Variants in STAU1 observed in about 807,000 individuals in gnomAD.
The protein encoded by STAU1 is staufen double-stranded RNA binding protein 1.
In STAU1, 13 loss-of-function variants were observed where a neutral mutation model predicts 62.9. The ratio of observed to expected loss-of-function variants is 0.21; its 90% CI spans 0.13 to 0.33. The LOEUF (loss-of-function observed/expected upper bound fraction) is 0.33. Ranked by LOEUF, STAU1 falls within the 10% of genes least tolerant of loss-of-function variation. The pLI, the probability that STAU1 is intolerant of heterozygous loss-of-function variation, is 1.00. For missense variants in STAU1, 571 were observed against 712.1 expected (o/e 0.80, Z 2.25); for synonymous variants, 269 against 265.1 (o/e 1.01, Z -0.14).
At chr20:49,187,714 G>C (rs1057377756) in intron 1 of STAU1, among the ~76,000 whole-genome samples, 2 of 151,294 alleles carry the variant, frequency 1.3e-5, no homozygotes, top group South Asian at 4.2e-4. Flanking sequence ...TAACCACTAA[G>C]CTACAGACCT....
At position 49,166,011 on chromosome 20, in the gene STAU1, G is replaced by A. The variant is rs185058934; in HGVS notation, c.191C>T (p.Thr64Ile). ...CATATGCTTACCTGCAGCTGCACTG[G>A]TGGATGTAATAGATGCAGAGGGTAA... is the stretch of plus-strand genomic sequence containing the variant. ...SALPSASITS[T>I]SAAAESITPT... The change falls in exon 3 of 14, where the codon ACC (threonine) becomes ATC (isoleucine). Residue 64 changes from threonine to isoleucine, a missense_variant. Transcript: ENST00000371856. The A allele has an allele frequency of 9.9e-6, 16 of 1,614,152 alleles. No individual in the cohort carries two copies. In the East Asian group the frequency reaches 3.6e-4, roughly 36 times the overall value.
At chr20:49,127,873 G>A (rs1347957260) in intron 6 of STAU1, among the ~76,000 whole-genome samples, 1 of 151,864 alleles carries the variant, frequency 6.6e-6, no homozygotes, top group Non-Finnish European at 1.5e-5. Flanking sequence ...AAATTGGCTG[G>A]GCTCGGTGGC....
chr20:49,154,210 G>A, intron 3 of STAU1, 139 bp from the exon 4 acceptor site: 1 of 789,484 alleles, frequency 1.3e-6, no homozygotes, highest in Admixed American at 2.9e-5. Context: ...TCACTGCTAG[G>A]CATCAGACAA....
At chr20:49,213,939 G>A in the STAU1 span, among the ~76,000 whole-genome samples, 4 of 152,162 alleles carry the variant, frequency 2.6e-5, no homozygotes, top group African/African-American at 7.2e-5. Flanking sequence ...ATGGCCAGGT[G>A]GGTGGCTCAT....
At chr20:49,118,434 A>T (rs374044984) in intron 9 of STAU1, 26 bp from the exon 10 acceptor site, 15 of 1,540,422 alleles carry the variant, frequency 9.7e-6, no homozygotes, top group South Asian at 1.2e-5. Flanking sequence ...GAAAAAAAAA[A>T]GGCCATGAGC....
chr20:49,188,409 C>T (rs1273588517), upstream of STAU1: 1 of 151,540 alleles, frequency 6.6e-6, no homozygotes, highest in Non-Finnish European at 1.5e-5. Context: ...CCCCGCCCGC[C>T]TCCAGGCCCG....
chr20:49,213,393 CT>C, the STAU1 span, among the ~76,000 whole-genome samples: 2 of 151,970 alleles, frequency 1.3e-5, no homozygotes, highest in African/African-American at 4.8e-5. Flanking sequence ...ACCAACCCGG[CT>C]AATTTTTGTA....
Position 49,166,169 on chromosome 20 carries a change from T to TG in STAU1, c.32dup (p.Ser12IlefsTer29). 1 of 1,614,176 alleles carries TG rather than the reference T, an allele frequency of 6.2e-7. No homozygotes were observed. The highest frequency in any genetic ancestry group is 8.5e-7 in the Non-Finnish European group (1 of 1,180,038). Reference sequence around the variant, plus strand: ...TTTGGCTCCCTGAGAGAGCAGCAGATGGGTTCTGAACTTGCACTTGAACTT... The same window carrying TG: ...TTTGGCTCCCTGAGAGAGCAGCAGATGGGGTTCTGAACTTGCACTTGAACTT... On this transcript the variant is annotated frameshift_variant, in exon 3 of 14. Coordinates refer to ENST00000371856, the MANE Select transcript of STAU1 (RefSeq NM_017453.4). LOFTEE classifies it high-confidence loss of function.
chr20:49,136,510 C>T (rs1212832593), intron 5 of STAU1, among the ~76,000 whole-genome samples: 1 of 152,214 alleles, frequency 6.6e-6, no homozygotes, highest in African/African-American at 2.4e-5. Context: ...GGATATGTGT[C>T]AGCCTGACTG....
intron 2 of STAU1, among the ~76,000 whole-genome samples, chr20:49,170,103 A>G (rs2093578113): frequency 6.6e-6 from 1 of 152,208 alleles, no homozygotes; most frequent in Non-Finnish European, 1.5e-5. Flanking sequence ...TACATGATGT[A>G]CTAAAAAGTG....
chr20:49,172,881 ATTTT>A (rs1156864554), intron 2 of STAU1, among the ~76,000 whole-genome samples: 1 of 141,490 alleles, frequency 7.1e-6, no homozygotes, highest in Non-Finnish European at 1.6e-5. Flanking sequence ...ATGATAATAC[ATTTT>A]TTTTTTTTTT....
At chr20:49,132,556 C>CA (rs1176617818) in intron 6 of STAU1, among the ~76,000 whole-genome samples, 3 of 152,166 alleles carry the variant, frequency 2.0e-5, no homozygotes, top group African/African-American at 7.2e-5. Context: ...GTCAGGAGTT[C>CA]AAGACCAGAC....
At chr20:49,159,048 T>C in intron 3 of STAU1, 1 of 1,266,642 alleles carries the variant, frequency 7.9e-7, no homozygotes, top group Non-Finnish European at 1.0e-6. Context: ...CTCAAAACCC[T>C]GGCAGGCAGG....
At chr20:49,140,303 T>C (rs539912007) in intron 5 of STAU1, among the ~76,000 whole-genome samples, 55 of 152,308 alleles carry the variant, frequency 3.6e-4, no homozygotes, top group Admixed American at 7.2e-4. Context: ...GGAATTCCAC[T>C]TCTAGATATA....
intron 4 of STAU1, 113 bp from the exon 5 acceptor site, chr20:49,151,860 T>A: frequency 1.1e-6 from 1 of 899,660 alleles, no homozygotes; most frequent in Non-Finnish European, 1.6e-6. Context: ...CATTAGTGTT[T>A]GATGCTAATC....
chr20:49,133,368 A>G (rs550402625), intron 6 of STAU1, among the ~76,000 whole-genome samples: 59 of 152,304 alleles, frequency 3.9e-4, no homozygotes, highest in Admixed American at 3.3e-3. Context: ...GTGACCCGGG[A>G]AGCCAGCCAG....
At chr20:49,139,069 T>C (rs1025935966) in intron 5 of STAU1, among the ~76,000 whole-genome samples, 9 of 152,114 alleles carry the variant, frequency 5.9e-5, no homozygotes, top group Non-Finnish European at 1.2e-4. Flanking sequence ...GCAGGACCCT[T>C]ACCCCACACC....
intron 3 of STAU1, chr20:49,158,591 C>T: frequency 1.9e-6 from 2 of 1,054,904 alleles, no homozygotes; most frequent in South Asian, 2.6e-5. Context: ...AGGCAGATCA[C>T]TTGAGGTCAG....
intron 6 of STAU1, among the ~76,000 whole-genome samples, chr20:49,130,588 GT>G (rs1436066374): frequency 6.6e-6 from 1 of 152,024 alleles, no homozygotes; most frequent in Non-Finnish European, 1.5e-5. Context: ...AATACTTTGG[GT>G]TTAAAAAAAA....
Sources: gnomAD v4.1 joint callset for allele counts (sites outside exome capture counted in the v4.1 genomes callset) on GRCh38, gnomAD v4.1.1 for gene constraint, MANE v1.5 for transcripts, NCBI Gene and HGNC (gene_info 2026-07-23, HGNC 2026-07-21) for gene names.